The following UST variants were observed in gnomAD, a reference collection of about 807,000 sequenced individuals.
UST encodes the protein chondroitin sulfate 2-O-sulfotransferase.
In UST, 21 loss-of-function variants were observed where a neutral mutation model predicts 45.6. That is an observed-to-expected ratio of 0.46 (90% CI 0.33 to 0.66). The LOEUF is 0.66. Among genes scored for constraint, UST ranks in the 30% least tolerant of loss-of-function variants. The probability of loss-of-function intolerance (pLI) is 0.02; values close to 1 mark genes in which losing one functional copy is unlikely to be tolerated. For synonymous variants in UST, 215 were observed against 200.6 expected (o/e 1.07, Z -0.61); for missense variants, 463 against 512.4 (o/e 0.90, Z 0.93).
At chr6:148,879,942 TTTTTTTTTTC>T (rs1778791678) in intron 1 of UST, among the ~76,000 whole-genome samples, 2 of 93,862 alleles carry the variant, frequency 2.1e-5, no homozygotes. Flanking sequence ...TTCTTTTTTC[TTTTTTTTTTC>T]TTTTTTTTTT....
At chr6:148,877,907 C>T (rs1177465117) in intron 1 of UST, among the ~76,000 whole-genome samples, 6 of 47,548 alleles carry the variant, frequency 1.3e-4, no homozygotes, top group African/African-American at 1.9e-4. Context: ...GGGTCATGTA[C>T]GAGTGCGGAG....
At chr6:148,815,756 A>C (rs1777342527) in intron 1 of UST, among the ~76,000 whole-genome samples, 1 of 152,216 alleles carries the variant, frequency 6.6e-6, no homozygotes, top group African/African-American at 2.4e-5. Flanking sequence ...TATTTTTATC[A>C]GTGTTTCTCA....
At chr6:148,988,035 G>A (rs1478061019) in intron 5 of UST, among the ~76,000 whole-genome samples, 1 of 152,028 alleles carries the variant, frequency 6.6e-6, no homozygotes, top group Non-Finnish European at 1.5e-5. Flanking sequence ...CACCAGAGGT[G>A]TGGGGAGCTC....
chr6:148,814,851 C>T (rs1419947915), intron 1 of UST, among the ~76,000 whole-genome samples: 3 of 152,048 alleles, frequency 2.0e-5, no homozygotes, highest in African/African-American at 7.2e-5. Context: ...CAGGGTCAGC[C>T]CCTGTTGTTT....
intron 1 of UST, among the ~76,000 whole-genome samples, chr6:148,759,075 T>A (rs952225080): frequency 1.3e-5 from 2 of 152,186 alleles, no homozygotes; most frequent in African/African-American, 2.4e-5. Context: ...GGCTTCAGTG[T>A]CTTCATCTCT....
rs181360617 is a variant in UST at position 149,047,729 on chromosome 6, G to A, written c.938-26104G>A. On this transcript the variant is annotated intron_variant, in intron 7 of 7. Coordinates refer to ENST00000367463, the MANE Select transcript of UST (RefSeq NM_005715.3). ...GACCATGTTCATGCATGAAAATATG[G>A]AATATCACAAAAATGCCATTTTCCT... 2.9e-3 allele frequency among the ~76,000 whole-genome samples: 437 copies of A among 152,108 alleles called. 3 individuals are homozygous for A. Among genetic ancestry groups the A allele is most frequent in the Non-Finnish European group, 3.5e-3 (235 of 67,996 alleles).
At chr6:148,855,033 G>A (rs1274903042) in intron 1 of UST, among the ~76,000 whole-genome samples, 3 of 152,116 alleles carry the variant, frequency 2.0e-5, no homozygotes, top group Non-Finnish European at 4.4e-5. Flanking sequence ...TTAAGTGGAT[G>A]CCAGCAAGCA....
intron 1 of UST, among the ~76,000 whole-genome samples, chr6:148,782,102 A>C (rs545916149): frequency 2.9e-4 from 44 of 151,882 alleles, no homozygotes; most frequent in Non-Finnish European, 5.6e-4. Flanking sequence ...TTTTTTTTTG[A>C]AACTCAGCTC....
At chr6:148,907,735 C>T (rs1020896046) in intron 2 of UST, among the ~76,000 whole-genome samples, 4 of 152,074 alleles carry the variant, frequency 2.6e-5, no homozygotes, top group African/African-American at 9.7e-5. Flanking sequence ...CTCTGCAATA[C>T]GTACAGAGCC....
Position 148,857,316 on chromosome 6 carries a change from G to A in UST, c.248-29670G>A, listed in dbSNP as rs535556785. 2.6e-5 allele frequency among the ~76,000 whole-genome samples: 4 copies of A among 152,148 alleles called. No individual in the cohort carries two copies. The East Asian group carries it at 5.8e-4, about 22-fold the overall frequency. Reference sequence around the variant, plus strand: ...CTGCCTGTCATTCTCATGACTATACGGTTTCCCACTGTAAATGTATATTCC... The same window carrying A: ...CTGCCTGTCATTCTCATGACTATACAGTTTCCCACTGTAAATGTATATTCC... On this transcript the variant is annotated intron_variant, in intron 1 of 7. Coordinates refer to ENST00000367463, the MANE Select transcript of UST (RefSeq NM_005715.3).
At chr6:148,795,600 T>A (rs6909077) in intron 1 of UST, among the ~76,000 whole-genome samples, 13,959 of 152,142 alleles carry the variant, frequency 0.092, 714 homozygotes, top group East Asian at 0.25. Context: ...CAGGGACTTT[T>A]AAAAAAACCC....
chr6:148,965,160 T>C (rs1025812892), intron 5 of UST, among the ~76,000 whole-genome samples: 3 of 152,234 alleles, frequency 2.0e-5, no homozygotes, highest in Admixed American at 2.0e-4. Context: ...TGGACTTGTT[T>C]TGGGACCCTC....
intron 5 of UST, among the ~76,000 whole-genome samples, chr6:149,017,799 TACACACACACACACACACAC>T (rs10533222): frequency 6.7e-6 from 1 of 148,808 alleles, no homozygotes; most frequent in South Asian, 2.2e-4. Flanking sequence ...TATCCATATA[TACACACACACACACACACAC>T]ACACACACAC....
At chr6:148,974,656 A>T (rs990369952) in intron 5 of UST, among the ~76,000 whole-genome samples, 2 of 152,240 alleles carry the variant, frequency 1.3e-5, no homozygotes, top group Non-Finnish European at 2.9e-5. Flanking sequence ...AGATATTCAC[A>T]GTTGAATGAA....
chr6:149,076,327 C>T lies in UST; in HGVS notation c.*2211C>T, dbSNP rs1301601813. ...TAAGTTTACACACTGTGCAATCTCA[C>T]AATCTGAAAATAAAGTTGAGTTGGC... is the stretch of plus-strand genomic sequence containing the variant. On this transcript the variant is annotated 3_prime_UTR_variant, in exon 8 of 8. Transcript: ENST00000367463. 2 of 152,192 alleles carry T rather than the reference C, an allele frequency of 1.3e-5. No individual in the cohort carries two copies. Among genetic ancestry groups the T allele is most frequent in the African/African-American group, 2.4e-5 (1 of 41,442 alleles). The allele number at this position is 152,192 out of a possible 1,614,324, so 9.4% of individuals were successfully genotyped here.
chr6:148,932,107 C>T (rs1050106178), intron 2 of UST, among the ~76,000 whole-genome samples: 3 of 152,188 alleles, frequency 2.0e-5, no homozygotes, highest in African/African-American at 7.2e-5. Context: ...TGGCCGAGCG[C>T]GGTGCCTCAT....
intron 5 of UST, among the ~76,000 whole-genome samples, chr6:148,975,243 C>G (rs536207070): frequency 2.6e-4 from 39 of 152,196 alleles, no homozygotes; most frequent in African/African-American, 8.9e-4. Context: ...CTTTTTAAAC[C>G]CTTCAAATTA....
intron 3 of UST, among the ~76,000 whole-genome samples, chr6:148,946,510 CA>C (rs71007930): frequency 1.0e-3 from 34 of 33,944 alleles, no homozygotes; most frequent in East Asian, 1.9e-3. Flanking sequence ...GACTCCATCT[CA>C]AAAAAAAAAA....
Position 148,747,480 on chromosome 6 carries a change from A to G in UST, c.50A>G (p.His17Arg), listed in dbSNP as rs1775888321. Reference sequence around the variant, plus strand: ...GGCGGCGGCGCGGATCCCTGGCCCCATGGGGCCCCTATGGGGGGCGCCCCT... The same window carrying G: ...GGCGGCGGCGCGGATCCCTGGCCCCGTGGGGCCCCTATGGGGGGCGCCCCT... Reference protein sequence around the residue: ...HPGGGADPWPHGAPMGGAPPG... With the variant: ...HPGGGADPWPRGAPMGGAPPG... Residue 17 changes from histidine (H) to arginine (R), a missense_variant, in exon 1 of 8, where the codon CAT becomes CGT. Transcript: ENST00000367463. 4 of 1,490,506 alleles carry G rather than the reference A, an allele frequency of 2.7e-6. No individual in the cohort carries two copies. The highest frequency in any genetic ancestry group is 1.3e-5 in the South Asian group (1 of 76,660). 92.3% of individuals were successfully genotyped at this position (1,490,506 alleles called of 1,614,324 possible).
Sources: gnomAD v4.1 joint callset for allele counts (sites outside exome capture counted in the v4.1 genomes callset) on GRCh38, gnomAD v4.1.1 for gene constraint, MANE v1.5 for transcripts, NCBI Gene and HGNC (gene_info 2026-07-23, HGNC 2026-07-21) for gene names.